Variants in GALNT7 observed in about 807,000 individuals in gnomAD.
The protein encoded by GALNT7 is polypeptide N-acetylgalactosaminyltransferase 7.
GALNT7 carries 60 observed loss-of-function variants against 82.1 expected under a neutral mutation model. The observed-to-expected ratio is 0.73, with a 90% CI of 0.59 to 0.91. GALNT7 has a LOEUF of 0.91. Ranked by LOEUF, GALNT7 falls within the 40% of genes least tolerant of loss-of-function variation. The probability of loss-of-function intolerance (pLI) is 0.00; values close to 1 mark genes in which losing one functional copy is unlikely to be tolerated. For missense variants in GALNT7, 660 were observed against 804.2 expected (o/e 0.82, Z 2.17); for synonymous variants, 243 against 275.1 (o/e 0.88, Z 1.15).
chr4:173,253,524 G>T lies in GALNT7; in HGVS notation c.587+5084G>T, dbSNP rs370037738. Among the ~76,000 whole-genome samples the T allele has an allele frequency of 4.6e-5, 7 of 152,242 alleles. No homozygotes were observed. In the South Asian group the frequency reaches 1.5e-3, roughly 32 times the overall value. On this transcript the variant is annotated intron_variant, in intron 2 of 11. Transcript: ENST00000265000. ...GATTAGGGGGTGGAGGCCTGTTAGA[G>T]GGTTAGTGGCATTTGAGTGGGAACT...
chr4:173,204,932 G>C (rs975733609), intron 1 of GALNT7, among the ~76,000 whole-genome samples: 7 of 152,154 alleles, frequency 4.6e-5, no homozygotes, highest in African/African-American at 1.4e-4. Flanking sequence ...ACTTATTCCA[G>C]ACTTTGCATA....
At chr4:173,295,726 T>C (rs936779716) in intron 4 of GALNT7, 38 bp from the exon 5 acceptor site, 1 of 1,284,358 alleles carries the variant, frequency 7.8e-7, no homozygotes, top group Non-Finnish European at 1.1e-6. Context: ...ATGTAACGTA[T>C]ATGAGGAGTA....
At chr4:173,205,650 A>G (rs1376810863) in intron 1 of GALNT7, among the ~76,000 whole-genome samples, 1 of 152,192 alleles carries the variant, frequency 6.6e-6, no homozygotes, top group South Asian at 2.1e-4. Flanking sequence ...CAGCTGAATG[A>G]CAGACCCATC....
At chr4:173,193,846 A>T (rs2126643424) in intron 1 of GALNT7, among the ~76,000 whole-genome samples, 1 of 152,300 alleles carries the variant, frequency 6.6e-6, no homozygotes, top group East Asian at 1.9e-4. Flanking sequence ...ATCTGTTATT[A>T]GGGAGGCATC....
intron 2 of GALNT7, among the ~76,000 whole-genome samples, chr4:173,288,741 T>C (rs930013652): frequency 6.6e-6 from 1 of 152,088 alleles, no homozygotes; most frequent in African/African-American, 2.4e-5. Flanking sequence ...AATATCCCCT[T>C]ATATAGTGCC....
chr4:173,196,740 C>T (rs762724136), intron 1 of GALNT7, among the ~76,000 whole-genome samples: 1 of 152,066 alleles, frequency 6.6e-6, no homozygotes, highest in Non-Finnish European at 1.5e-5. Context: ...ACCCACCATG[C>T]GTCCATGTGT....
intron 2 of GALNT7, among the ~76,000 whole-genome samples, chr4:173,287,945 T>C (rs1448825476): frequency 6.6e-6 from 1 of 152,204 alleles, no homozygotes; most frequent in African/African-American, 2.4e-5. Flanking sequence ...ATCCCCTTTT[T>C]GTTTAAATGC....
chr4:173,201,290 A>G (rs964810019), intron 1 of GALNT7, among the ~76,000 whole-genome samples: 2 of 152,198 alleles, frequency 1.3e-5, no homozygotes, highest in African/African-American at 4.8e-5. Context: ...CATTCTTGAT[A>G]TAAGTTGTGG....
rs371958346 is a variant in GALNT7 at position 173,224,840 on chromosome 4, G to A, written c.127-23140G>A. 5.5e-3 allele frequency among the ~76,000 whole-genome samples: 837 copies of A among 151,454 alleles called. 12 individuals carry two copies. Among genetic ancestry groups the A allele is most frequent in the Admixed American group, 0.038 (570 of 15,192 alleles). ...ATCCTGGCTAACACGGTGAAACCCC[G>A]TCTCTACTAAAAATTAAAAAAAAAA... On this transcript the variant is annotated intron_variant, in intron 1 of 11. Transcript: ENST00000265000.
At chr4:173,205,542 T>G (rs887863279) in intron 1 of GALNT7, among the ~76,000 whole-genome samples, 2 of 152,106 alleles carry the variant, frequency 1.3e-5, no homozygotes, top group Admixed American at 6.5e-5. Flanking sequence ...ATGCTTTGAT[T>G]TCTTACTGCA....
intron 1 of GALNT7, among the ~76,000 whole-genome samples, chr4:173,206,214 C>G (rs1393701020): frequency 6.6e-6 from 1 of 152,218 alleles, no homozygotes; most frequent in Non-Finnish European, 1.5e-5. Flanking sequence ...GCTTATTTCT[C>G]TCTCCTTCCC....
chr4:173,314,155 C>G lies in GALNT7; in HGVS notation c.1587C>G (p.Pro529=). Residue 529 remains proline, a synonymous_variant, in exon 9 of 12, where the codon CCC becomes CCG. Transcript: ENST00000265000. Reference sequence around the variant, plus strand: ...TCACCTCACACTACCCTTTGCCACCCAAAAATGTTGACTGGGGAGAAGTAA... The same window carrying G: ...TCACCTCACACTACCCTTTGCCACCGAAAAATGTTGACTGGGGAGAAGTAA... ...YDITSHYPLP[P]KNVDWGEIRG... 6.2e-7 allele frequency: 1 copy of G among 1,609,796 alleles called. No homozygotes were observed. The highest frequency in any genetic ancestry group is 8.5e-7 in the Non-Finnish European group (1 of 1,176,132).
rs551745807 is a variant in GALNT7, at chr4:173,323,582, G to T, written c.*1865G>T. 1 of 152,636 alleles carries T rather than the reference G, an allele frequency of 6.6e-6. No individual in the cohort carries two copies. Among genetic ancestry groups the T allele is most frequent in the South Asian group, 2.1e-4 (1 of 4,812 alleles). The allele number at this position is 152,636 out of a possible 1,614,324, so 9.5% of individuals were successfully genotyped here. On this transcript the variant is annotated 3_prime_UTR_variant, in exon 12 of 12. Coordinates refer to ENST00000265000, the MANE Select transcript of GALNT7 (RefSeq NM_017423.3). ...ACTATGCATAGGCCTAAGAAAGGTG[G>T]CAATGAACTGTGCATGTAAATTTTA... is the stretch of plus-strand genomic sequence containing the variant.
chr4:173,235,958 C>G (rs1328875666), intron 1 of GALNT7, among the ~76,000 whole-genome samples: 1 of 152,136 alleles, frequency 6.6e-6, no homozygotes, highest in South Asian at 2.1e-4. Flanking sequence ...CCCCACTGGA[C>G]AGAAAGAGCC....
chr4:173,186,885 C>A (rs1212094318), intron 1 of GALNT7, among the ~76,000 whole-genome samples: 1 of 151,866 alleles, frequency 6.6e-6, no homozygotes, highest in Non-Finnish European at 1.5e-5. Flanking sequence ...CTGCCTTACT[C>A]TCACGAGTAG....
intron 2 of GALNT7, among the ~76,000 whole-genome samples, chr4:173,256,822 T>G (rs369088221): frequency 5.0e-4 from 76 of 152,322 alleles, no homozygotes; most frequent in African/African-American, 1.8e-3. Context: ...ATAATTTACA[T>G]GACACTGTCT....
chr4:173,178,807 C>T (rs1044609466), intron 1 of GALNT7, among the ~76,000 whole-genome samples: 4 of 152,118 alleles, frequency 2.6e-5, no homozygotes, highest in African/African-American at 4.8e-5. Context: ...AACTAGTCTG[C>T]GAATAGGCTT....
At chr4:173,182,219 T>C (rs1732269914) in intron 1 of GALNT7, among the ~76,000 whole-genome samples, 1 of 152,236 alleles carries the variant, frequency 6.6e-6, no homozygotes, top group African/African-American at 2.4e-5. Context: ...TTTATGATTC[T>C]GCATTTATAA....
intron 1 of GALNT7, among the ~76,000 whole-genome samples, chr4:173,177,213 A>G (rs1199682281): frequency 1.3e-5 from 2 of 152,152 alleles, no homozygotes; most frequent in Non-Finnish European, 2.9e-5. Flanking sequence ...TTGCATTTCT[A>G]ACTAGTTCCC....
Sources: allele counts gnomAD v4.1 joint callset (sites outside exome capture counted in the v4.1 genomes callset), GRCh38; gene constraint gnomAD v4.1.1; transcripts MANE v1.5; gene names NCBI Gene and HGNC (gene_info 2026-07-23, HGNC 2026-07-21).